TANGO6: variants seen among roughly 807,000 people sequenced by gnomAD.
TANGO6 encodes transport and Golgi organization protein 6 homolog.
Under a neutral mutation model 114.2 loss-of-function variants are expected in TANGO6, and 90 were observed. The ratio of observed to expected loss-of-function variants is 0.79; its 90% confidence interval spans 0.66 to 0.94. The LOEUF (loss-of-function observed/expected upper bound fraction) is 0.94. Ranked by LOEUF, TANGO6 falls within the 40% of genes least tolerant of loss-of-function variation. The pLI is 0.00. For synonymous variants in TANGO6, 477 were observed against 509.8 expected (o/e 0.94, Z 0.87); for missense variants, 1,274 against 1,315.3 (o/e 0.97, Z 0.49).
chr16:69,002,663 C>G (rs986824493), intron 15 of TANGO6, among the ~76,000 whole-genome samples: 4 of 152,060 alleles, frequency 2.6e-5, no homozygotes, highest in African/African-American at 9.7e-5. Flanking sequence ...TATAAATTAC[C>G]CAGTCTCGGC....
intron 14 of TANGO6, among the ~76,000 whole-genome samples, chr16:68,972,736 A>C (rs1181720664): frequency 1.3e-5 from 2 of 152,212 alleles, no homozygotes; most frequent in Non-Finnish European, 2.9e-5. Flanking sequence ...ACAACCTGTC[A>C]GGTGATATTA....
At chr16:69,050,475 C>T (rs1959931087) in intron 17 of TANGO6, among the ~76,000 whole-genome samples, 1 of 151,700 alleles carries the variant, frequency 6.6e-6, no homozygotes, top group Non-Finnish European at 1.5e-5. Flanking sequence ...CTAAACTATG[C>T]CACCATGCCC....
At chr16:68,999,985 C>T (rs111975865) in intron 15 of TANGO6, among the ~76,000 whole-genome samples, 2 of 152,064 alleles carry the variant, frequency 1.3e-5, no homozygotes, top group African/African-American at 2.4e-5. Context: ...TCTTTTGTAG[C>T]GGATCAAAAC....
At chr16:68,953,196 G>C (rs1365007213) in intron 14 of TANGO6, among the ~76,000 whole-genome samples, 1 of 151,932 alleles carries the variant, frequency 6.6e-6, no homozygotes, top group East Asian at 1.9e-4. Flanking sequence ...CGATTCTCCT[G>C]CCTCGGCTTC....
intron 14 of TANGO6, among the ~76,000 whole-genome samples, chr16:68,946,492 CCTTTT>C (rs1381537780): frequency 1.3e-5 from 2 of 152,120 alleles, no homozygotes; most frequent in African/African-American, 2.4e-5. Context: ...CCGCGCCCGG[CCTTTT>C]CTTTTCTTTT....
chr16:69,050,491 ATT>A (rs1257183183), intron 17 of TANGO6, among the ~76,000 whole-genome samples: 8 of 140,438 alleles, frequency 5.7e-5, no homozygotes, highest in Admixed American at 7.2e-5. Context: ...TGCCCAGCTA[ATT>A]TTTTTTTTTT....
chr16:69,023,901 T>TTA (rs1555528471), intron 16 of TANGO6, among the ~76,000 whole-genome samples: 3 of 151,888 alleles, frequency 2.0e-5, no homozygotes, highest in African/African-American at 4.8e-5. Context: ...TTTAGAGTTT[T>TTA]TTATTATTAT....
intron 10 of TANGO6, among the ~76,000 whole-genome samples, chr16:68,908,068 T>C (rs1962876291): frequency 6.6e-6 from 1 of 152,182 alleles, no homozygotes; most frequent in African/African-American, 2.4e-5. Context: ...TTGCTTGCTT[T>C]TCTTCTGTTC....
At chr16:68,900,332 T>C (rs1426256465) in intron 7 of TANGO6, 102 bp from the exon 8 acceptor site, 10 of 854,054 alleles carry the variant, frequency 1.2e-5, no homozygotes, top group South Asian at 1.1e-4. Context: ...TCGGATGAGA[T>C]ATTGCTTAAG....
chr16:69,042,875 T>C (rs1787562300), intron 17 of TANGO6, among the ~76,000 whole-genome samples: 1 of 152,198 alleles, frequency 6.6e-6, no homozygotes, highest in South Asian at 2.1e-4. Context: ...GACTTTGTAC[T>C]ATCTTTGCAA....
intron 15 of TANGO6, among the ~76,000 whole-genome samples, chr16:68,987,330 T>C (rs995747159): frequency 6.6e-6 from 1 of 152,208 alleles, no homozygotes; most frequent in African/African-American, 2.4e-5. Flanking sequence ...CATAGGCTAT[T>C]TAAATTTTAA....
intron 11 of TANGO6, 148 bp downstream of exon 11, chr16:68,909,550 C>A: frequency 1.5e-6 from 1 of 660,522 alleles, no homozygotes; most frequent in Non-Finnish European, 2.2e-6. Context: ...ACACAGCCCA[C>A]ACCAGGCCAC....
chr16:68,857,412 A>G (rs1962014436), intron 1 of TANGO6, among the ~76,000 whole-genome samples: 1 of 152,100 alleles, frequency 6.6e-6, no homozygotes, highest in African/African-American at 2.4e-5. Context: ...TTTCTAAAAA[A>G]AAATCCTTTC....
At chr16:69,024,736 A>G (rs1281295132) in intron 16 of TANGO6, among the ~76,000 whole-genome samples, 1 of 152,174 alleles carries the variant, frequency 6.6e-6, no homozygotes, top group Admixed American at 6.5e-5. Flanking sequence ...AATGTACATG[A>G]CCATCTTAAG....
chr16:68,903,291 G>A (rs1423350066), intron 9 of TANGO6, among the ~76,000 whole-genome samples: 1 of 152,086 alleles, frequency 6.6e-6, no homozygotes. Flanking sequence ...CAGTACAAAC[G>A]CAAGCTGCTA....
intron 16 of TANGO6, among the ~76,000 whole-genome samples, chr16:69,038,286 C>T (rs1465925219): frequency 2.0e-5 from 3 of 151,982 alleles, no homozygotes; most frequent in Non-Finnish European, 2.9e-5. Context: ...AAAAATTAAC[C>T]GGGCATGGTG....
At chr16:68,907,699 C>T (rs1962871996) in intron 10 of TANGO6, 124 bp downstream of exon 10, 1 of 1,174,110 alleles carries the variant, frequency 8.5e-7, no homozygotes, top group African/African-American at 1.6e-5. Context: ...GGAAAATGGT[C>T]AGAGGACATA....
At chr16:69,006,349 G>A (rs908934729) in intron 15 of TANGO6, among the ~76,000 whole-genome samples, 1 of 152,126 alleles carries the variant, frequency 6.6e-6, no homozygotes, top group African/African-American at 2.4e-5. Flanking sequence ...TCTAGTATGT[G>A]AATATTTTTA....
At chr16:68,961,706 G>A (rs1963593321) in intron 14 of TANGO6, among the ~76,000 whole-genome samples, 2 of 152,132 alleles carry the variant, frequency 1.3e-5, no homozygotes, top group African/African-American at 2.4e-5. Context: ...TCATCTTAGT[G>A]TTCAGATATA....
Sources: gnomAD v4.1 joint callset for allele counts (sites outside exome capture counted in the v4.1 genomes callset) on GRCh38, gnomAD v4.1.1 for gene constraint, MANE v1.5 for transcripts, NCBI Gene and HGNC (gene_info 2026-07-23, HGNC 2026-07-21) for gene names.